Variants in IGSF11 observed in about 807,000 individuals in gnomAD.
IGSF11 encodes the protein immunoglobulin superfamily member 11.
IGSF11 carries 22 observed loss-of-function variants against 41.0 expected under a neutral mutation model. That is an observed-to-expected ratio of 0.54 (90% CI 0.38 to 0.77). The LOEUF (loss-of-function observed/expected upper bound fraction) is 0.77. Ranked by LOEUF, IGSF11 falls within the 30% of genes least tolerant of loss-of-function variation. IGSF11 has a pLI of 0.00. For synonymous variants in IGSF11, 219 were observed against 201.3 expected (o/e 1.09, Z -0.74); for missense variants, 444 against 530.8 (o/e 0.84, Z 1.61).
At chr3:119,137,457 C>T (rs928308054) in intron 1 of IGSF11, among the ~76,000 whole-genome samples, 1 of 152,114 alleles carries the variant, frequency 6.6e-6, no homozygotes, top group African/African-American at 2.4e-5. Context: ...TTTCCAAGAA[C>T]ATACATTGCG....
At chr3:119,031,814 T>C (rs767767552) in intron 1 of IGSF11, among the ~76,000 whole-genome samples, 1 of 152,212 alleles carries the variant, frequency 6.6e-6, no homozygotes, top group Non-Finnish European at 1.5e-5. Context: ...AGCTGATAAA[T>C]TGGATTTTAC....
intron 1 of IGSF11, among the ~76,000 whole-genome samples, chr3:119,023,778 G>T (rs1457145275): frequency 6.6e-6 from 1 of 152,180 alleles, no homozygotes; most frequent in Non-Finnish European, 1.5e-5. Context: ...CTAACATGCC[G>T]ACCCCCACTA....
intron 1 of IGSF11, among the ~76,000 whole-genome samples, chr3:118,985,910 A>G (rs935059760): frequency 1.3e-5 from 2 of 152,148 alleles, no homozygotes; most frequent in African/African-American, 2.4e-5. Context: ...CAACCTCAGT[A>G]TAGAGCCTTG....
At chr3:118,939,062 C>A in intron 1 of IGSF11, among the ~76,000 whole-genome samples, 1 of 152,118 alleles carries the variant, frequency 6.6e-6, no homozygotes, top group Admixed American at 6.5e-5. Context: ...AAGACCTGAA[C>A]AATGAACTTA....
chr3:118,909,816 C>A, intron 4 of IGSF11, among the ~76,000 whole-genome samples: 1 of 152,206 alleles, frequency 6.6e-6, no homozygotes. Context: ...TAGTATACTG[C>A]AGAGCAACAT....
At chr3:118,984,601 G>A (rs1935073332) in intron 1 of IGSF11, among the ~76,000 whole-genome samples, 1 of 152,130 alleles carries the variant, frequency 6.6e-6, no homozygotes, top group South Asian at 2.1e-4. Flanking sequence ...GAACAGAATG[G>A]CTGATTTTCC....
At chr3:118,936,894 C>T (rs972111012) in intron 1 of IGSF11, among the ~76,000 whole-genome samples, 1 of 152,162 alleles carries the variant, frequency 6.6e-6, no homozygotes, top group African/African-American at 2.4e-5. Flanking sequence ...AGAGAACAGA[C>T]AATGGACATT....
chr3:119,052,388 G>A (rs1243978998), intron 1 of IGSF11, among the ~76,000 whole-genome samples: 1 of 146,088 alleles, frequency 6.8e-6, no homozygotes, highest in African/African-American at 2.5e-5. Flanking sequence ...GCTGAGACAG[G>A]AGAATCACAT....
intron 1 of IGSF11, chr3:118,947,054 A>T (rs1944203402): frequency 6.6e-6 from 1 of 152,290 alleles, no homozygotes; most frequent in Admixed American, 6.5e-5. Context: ...TCCAGTTGAG[A>T]CCAGAAGCAG....
intron 1 of IGSF11, among the ~76,000 whole-genome samples, chr3:119,136,886 CA>C (rs1397871341): frequency 6.6e-6 from 1 of 151,884 alleles, no homozygotes; most frequent in Admixed American, 6.6e-5. Context: ...AGTAAAGATG[CA>C]AAATACAAAA....
At chr3:118,968,813 G>A (rs1199709197) in intron 1 of IGSF11, among the ~76,000 whole-genome samples, 1 of 152,156 alleles carries the variant, frequency 6.6e-6, no homozygotes, top group Admixed American at 6.5e-5. Flanking sequence ...CACCATCAAG[G>A]TTTCTAAAAA....
At chr3:119,118,564 C>T (rs1251063373) in intron 1 of IGSF11, among the ~76,000 whole-genome samples, 4 of 152,238 alleles carry the variant, frequency 2.6e-5, no homozygotes, top group Non-Finnish European at 2.9e-5. Context: ...GGGGCTGCCA[C>T]AAAGGTCTCT....
intron 4 of IGSF11, among the ~76,000 whole-genome samples, chr3:118,925,342 C>T (rs569439272): frequency 7.2e-5 from 11 of 152,254 alleles, no homozygotes; most frequent in Non-Finnish European, 1.2e-4. Context: ...ACTGCCAACA[C>T]TTTATGGTTA....
intron 2 of IGSF11, 120 bp downstream of exon 2, chr3:118,929,992 C>G (rs1942707220): frequency 2.1e-6 from 2 of 930,336 alleles, no homozygotes; most frequent in Non-Finnish European, 1.6e-6. Context: ...TAAAAGAGTA[C>G]ACGCACATTG....
At chr3:118,964,789 C>T (rs184494714) in intron 1 of IGSF11, among the ~76,000 whole-genome samples, 1 of 152,198 alleles carries the variant, frequency 6.6e-6, no homozygotes, top group East Asian at 1.9e-4. Context: ...ATATAGTCTA[C>T]CAAATCTAAC....
At chr3:118,974,384 T>A (rs1191431422) in intron 1 of IGSF11, among the ~76,000 whole-genome samples, 1 of 152,176 alleles carries the variant, frequency 6.6e-6, no homozygotes, top group South Asian at 2.1e-4. Context: ...AAGGCAACGG[T>A]TCAGTATTAG....
At chr3:119,091,993 T>TGGG (rs56210576) in intron 1 of IGSF11, among the ~76,000 whole-genome samples, 40 of 129,280 alleles carry the variant, frequency 3.1e-4, no homozygotes, top group African/African-American at 1.2e-3. Flanking sequence ...TTGGTTTTTT[T>TGGG]GGGGGGGGGG....
chr3:118,926,641 A>C (rs1403528141), intron 3 of IGSF11, among the ~76,000 whole-genome samples: 1 of 152,244 alleles, frequency 6.6e-6, no homozygotes, highest in East Asian at 1.9e-4. Context: ...AGGGAAAAAC[A>C]ACCATTATCC....
At chr3:119,024,910 A>C (rs899044581) in intron 1 of IGSF11, among the ~76,000 whole-genome samples, 1 of 152,054 alleles carries the variant, frequency 6.6e-6, no homozygotes, top group African/African-American at 2.4e-5. Flanking sequence ...CTTTGAACTG[A>C]CCCCTTCCTG....
Sources: gnomAD v4.1 joint callset for allele counts (sites outside exome capture counted in the v4.1 genomes callset) on GRCh38, gnomAD v4.1.1 for gene constraint, MANE v1.5 for transcripts, NCBI Gene and HGNC (gene_info 2026-07-23, HGNC 2026-07-21) for gene names.